Variants in FNDC3B observed in about 807,000 individuals in gnomAD.
FNDC3B encodes fibronectin type III domain-containing protein 3B.
In FNDC3B, 12 loss-of-function variants were observed where a neutral mutation model predicts 151.5. The ratio of observed to expected loss-of-function variants is 0.08; its 90% CI spans 0.05 to 0.13. The LOEUF (loss-of-function observed/expected upper bound fraction) is 0.13, where lower values mean the gene tolerates loss of function less well. Among genes scored for constraint, FNDC3B ranks in the 10% least tolerant of loss-of-function variants. FNDC3B has a pLI of 1.00. For synonymous variants in FNDC3B, 528 were observed against 549.0 expected (o/e 0.96, Z 0.54); for missense variants, 1,214 against 1,505.3 (o/e 0.81, Z 3.20).
Position 172,343,976 on chromosome 3 carries a change from T to G in FNDC3B, c.2078-110T>G, listed in dbSNP as rs983107066. On this transcript the variant is annotated intron_variant, in intron 18 of 25. Transcript: ENST00000415807. The stretch of plus-strand genomic sequence containing the variant: ...ATGGATTCTTTTGTAAGGGAGATAC[T>G]GAGGCCGGCCACCTATGTGATATTT... 15 of 938,338 alleles carry G rather than the reference T, an allele frequency of 1.6e-5. No homozygotes were observed. The East Asian group carries it at 2.0e-4, about 12-fold the overall frequency. 58.1% of individuals were successfully genotyped at this position (938,338 alleles called of 1,614,324 possible).
chr3:172,275,014 A>G (rs1009159344), intron 6 of FNDC3B, among the ~76,000 whole-genome samples: 1 of 152,086 alleles, frequency 6.6e-6, no homozygotes, highest in Non-Finnish European at 1.5e-5. Context: ...CTTATCTATT[A>G]TATTTTCCTC....
At chr3:172,233,690 G>T (rs1168059980) in intron 4 of FNDC3B, among the ~76,000 whole-genome samples, 1 of 152,158 alleles carries the variant, frequency 6.6e-6, no homozygotes, top group Admixed American at 6.5e-5. Context: ...CACCTTCAAC[G>T]TTGTGAAAAT....
At chr3:172,146,060 G>C (rs867364380) in intron 3 of FNDC3B, among the ~76,000 whole-genome samples, 3 of 152,074 alleles carry the variant, frequency 2.0e-5, no homozygotes, top group Non-Finnish European at 4.4e-5. Context: ...TGATTTGCCC[G>C]CCTCGGCCTC....
intron 3 of FNDC3B, among the ~76,000 whole-genome samples, chr3:172,190,161 G>T (rs1329736110): frequency 6.6e-6 from 1 of 152,102 alleles, no homozygotes; most frequent in Non-Finnish European, 1.5e-5. Context: ...CCGACTGGGA[G>T]TGCCTGACCC....
At chr3:172,348,854 C>G (rs888065570) in intron 21 of FNDC3B, among the ~76,000 whole-genome samples, 15 of 152,166 alleles carry the variant, frequency 9.9e-5, no homozygotes, top group African/African-American at 3.4e-4. Flanking sequence ...CATTGCCACA[C>G]TAAAGGACTA....
intron 4 of FNDC3B, among the ~76,000 whole-genome samples, chr3:172,242,365 A>G (rs959712452): frequency 3.3e-5 from 5 of 151,654 alleles, no homozygotes; most frequent in African/African-American, 1.2e-4. Context: ...CTTCTGCCCT[A>G]CCCTAGCAGA....
chr3:172,252,832 A>G (rs1728156399), intron 6 of FNDC3B, among the ~76,000 whole-genome samples: 1 of 152,194 alleles, frequency 6.6e-6, no homozygotes, highest in Non-Finnish European at 1.5e-5. Context: ...TAACTCTTAA[A>G]CAAAACATAA....
At chr3:172,061,492 A>G (rs1214415502) in intron 1 of FNDC3B, among the ~76,000 whole-genome samples, 2 of 152,074 alleles carry the variant, frequency 1.3e-5, no homozygotes, top group Non-Finnish European at 2.9e-5. Flanking sequence ...TCGGCCTCCC[A>G]AAGTGCTGGG....
chr3:172,225,548 T>G (rs899206199), intron 3 of FNDC3B: 1 of 174,106 alleles, frequency 5.7e-6, no homozygotes, highest in Non-Finnish European at 1.3e-5. Flanking sequence ...ACACTGCTAA[T>G]GAAGGCCACT....
intron 3 of FNDC3B, among the ~76,000 whole-genome samples, chr3:172,194,839 T>A (rs955588623): frequency 6.6e-5 from 10 of 152,220 alleles, no homozygotes; most frequent in African/African-American, 2.2e-4. Context: ...AACCTAATTC[T>A]AATACCATGG....
chr3:172,049,400 T>C (rs1323616896), intron 1 of FNDC3B, among the ~76,000 whole-genome samples: 2 of 152,178 alleles, frequency 1.3e-5, no homozygotes, highest in Non-Finnish European at 2.9e-5. Flanking sequence ...TCAGGGAGTT[T>C]GTTAATATTG....
At chr3:172,046,345 T>C (rs1716371075) in intron 1 of FNDC3B, among the ~76,000 whole-genome samples, 1 of 152,162 alleles carries the variant, frequency 6.6e-6, no homozygotes, top group Non-Finnish European at 1.5e-5. Context: ...TCTTTTTCTT[T>C]TTTAAGATAC....
At chr3:172,251,746 T>C (rs1403178577) in intron 6 of FNDC3B, among the ~76,000 whole-genome samples, 2 of 152,232 alleles carry the variant, frequency 1.3e-5, no homozygotes, top group Non-Finnish European at 2.9e-5. Flanking sequence ...ATGGCAGAAA[T>C]ACTACATTTT....
intron 5 of FNDC3B, 41 bp downstream of exon 5, chr3:172,247,817 A>C (rs754250834): frequency 6.2e-7 from 1 of 1,603,636 alleles, no homozygotes; most frequent in Non-Finnish European, 8.5e-7. Flanking sequence ...GTTGAAACTG[A>C]TTACAGCGTT....
At chr3:172,276,947 T>G (rs1729462116) in intron 6 of FNDC3B, among the ~76,000 whole-genome samples, 1 of 152,214 alleles carries the variant, frequency 6.6e-6, no homozygotes, top group African/African-American at 2.4e-5. Context: ...AAAGATGTTA[T>G]TGGAACAATT....
At chr3:172,289,517 A>G (rs1289838246) in intron 7 of FNDC3B, among the ~76,000 whole-genome samples, 1 of 152,114 alleles carries the variant, frequency 6.6e-6, no homozygotes, top group African/African-American at 2.4e-5. Context: ...GAGACAGTCC[A>G]CTGTTTCTTT....
In FNDC3B at chr3:172,388,159, A is replaced by G. The variant is rs532768525; in HGVS notation, c.3303+7066A>G. ...TTATATCTCCCCTTCAGTTCTTGGG[A>G]GGGGTGACATTAGTAAAGAGATGAA... On this transcript the variant is annotated intron_variant, in intron 25 of 25. Transcript: ENST00000415807. Among the ~76,000 whole-genome samples the G allele has an allele frequency of 1.7e-3, 264 of 152,250 alleles. 1 individual carries two copies. Among genetic ancestry groups the G allele is most frequent in the South Asian group, 2.9e-3 (14 of 4,830 alleles).
chr3:172,225,237 G>A (rs1272066802), intron 3 of FNDC3B, among the ~76,000 whole-genome samples: 1 of 152,168 alleles, frequency 6.6e-6, no homozygotes, highest in African/African-American at 2.4e-5. Flanking sequence ...ATGGTGGCTT[G>A]ATCTTGACTC....
chr3:172,091,565 G>A (rs1020627853), intron 1 of FNDC3B, among the ~76,000 whole-genome samples: 11 of 152,128 alleles, frequency 7.2e-5, no homozygotes, highest in African/African-American at 1.9e-4. Context: ...GTGTGTGTGC[G>A]TTTGTGTATG....
Sources: allele counts gnomAD v4.1 joint callset (sites outside exome capture counted in the v4.1 genomes callset), GRCh38; gene constraint gnomAD v4.1.1; transcripts MANE v1.5; gene names NCBI Gene and HGNC (gene_info 2026-07-23, HGNC 2026-07-21).